Variants in TIMM50 observed in about 807,000 individuals in gnomAD.
TIMM50 encodes the protein mitochondrial import inner membrane translocase subunit TIM50.
TIMM50 carries 34 observed loss-of-function variants against 49.6 expected under a neutral mutation model. The observed-to-expected ratio is 0.69, with a 90% CI of 0.52 to 0.91. The LOEUF (loss-of-function observed/expected upper bound fraction) is 0.91. TIMM50 is among the 40% of genes least tolerant of loss of function. TIMM50 has a pLI of 0.00. For missense variants in TIMM50, 458 were observed against 477.8 expected, an observed-to-expected ratio of 0.96 and a Z score of 0.39; for synonymous variants, 199 against 198.4, an observed-to-expected ratio of 1.00 and a Z score of -0.03.
chr19:39,485,902 G>C (rs2079502457), intron 6 of TIMM50, 95 bp downstream of exon 6: 2 of 1,542,392 alleles, frequency 1.3e-6, no homozygotes, highest in East Asian at 2.3e-5. Context: ...ATGTGATCTT[G>C]GGGAGGAGAT....
At position 39,485,612 on chromosome 19, in the gene TIMM50, A is replaced by G. The variant is rs779426038; in HGVS notation, c.372+10A>G. On this transcript the variant is annotated intron_variant, in intron 5 of 10. Transcript: ENST00000607714. The stretch of plus-strand genomic sequence containing the variant: ...CAAAGATTATAGACAGGTGAGCAGA[A>G]GCCCTGGGCTCAGTCCCCATGTCTC... 3.1e-6 allele frequency: 5 copies of G among 1,614,154 alleles called. No homozygotes were observed. Among genetic ancestry groups the G allele is most frequent in the Non-Finnish European group, 4.2e-6 (5 of 1,180,038 alleles).
chr19:39,487,959 T>C, intron 8 of TIMM50, 102 bp from the exon 9 acceptor site: 3 of 1,443,062 alleles, frequency 2.1e-6, no homozygotes, highest in Non-Finnish European at 2.7e-6. Context: ...GATCCCAGTA[T>C]GTGTGATGCT....
intron 4 of TIMM50, among the ~76,000 whole-genome samples, chr19:39,484,035 G>T (rs1025686936): frequency 3.3e-5 from 5 of 151,734 alleles, no homozygotes; most frequent in African/African-American, 1.2e-4. Flanking sequence ...TATAGTTTTA[G>T]TAGAGACAGG....
Position 39,480,845 on chromosome 19 carries a change from C to T in TIMM50, c.-9C>T, listed in dbSNP as rs1333251252. 28 of 1,595,280 alleles carry T rather than the reference C, an allele frequency of 1.8e-5. No individual in the cohort carries two copies. Among genetic ancestry groups the T allele is most frequent in the East Asian group, 4.5e-5 (2 of 43,972 alleles). On this transcript the variant is annotated 5_prime_UTR_variant, in exon 1 of 11. Transcript: ENST00000607714. The stretch of plus-strand genomic sequence containing the variant: ...GCGAGTGGGCGGGGCCGCGTGGCGT[C>T]AGCGCAAGATGGCGGCCTCGGCAGC...
intron 1 of TIMM50, 142 bp downstream of exon 1, chr19:39,481,103 C>T (rs1241122546): frequency 3.5e-6 from 4 of 1,139,348 alleles, no homozygotes; most frequent in South Asian, 3.3e-5. Flanking sequence ...CCCTTCCCAA[C>T]CTCCTGGGTG....
rs141323494 is a variant in TIMM50, at chr19:39,481,974, C to G, written c.200C>G (p.Ala67Gly). ...GGTCCCAGCTATGCCAAAAAAGTTGCGCTCTGGCTTGCTGGGCTGCTTGGA... is the reference window on the plus strand; with the variant it reads ...GGTCCCAGCTATGCCAAAAAAGTTGGGCTCTGGCTTGCTGGGCTGCTTGGA... The part of the protein sequence containing the change: ...SEGPSYAKKV[A>G]LWLAGLLGAG... Residue 67 changes from alanine (A) to glycine (G), a missense_variant, in exon 2 of 11, where the codon GCG (alanine) becomes GGG (glycine). Transcript: ENST00000607714. The G allele has an allele frequency of 1.2e-6, 2 of 1,614,170 alleles. No individual in the cohort carries two copies. Among genetic ancestry groups the G allele is most frequent in the Non-Finnish European group, 8.5e-7 (1 of 1,180,028 alleles).
intron 6 of TIMM50, 31 bp downstream of exon 6, chr19:39,485,838 A>G: frequency 6.2e-7 from 1 of 1,613,118 alleles, no homozygotes; most frequent in South Asian, 1.1e-5. Context: ...TGGGTTGGGG[A>G]TAGACCTGGG....
Position 39,489,911 on chromosome 19 carries a change from TC to T in TIMM50, c.*94del. 8.2e-7 allele frequency: 1 copy of T among 1,224,338 alleles called. No homozygotes were observed. The highest frequency in any genetic ancestry group is 1.2e-6 in the Non-Finnish European group (1 of 852,700). 75.8% of individuals were successfully genotyped at this position (1,224,338 alleles called of 1,614,324 possible). ...GCCACCACTTGTCCAATAAAGTACATCCCAGACGCCACACCTGCTGTGTCCC... is the reference window on the plus strand; with the variant it reads ...GCCACCACTTGTCCAATAAAGTACATCCAGACGCCACACCTGCTGTGTCCC... On this transcript the variant is annotated 3_prime_UTR_variant, in exon 11 of 11. Coordinates refer to ENST00000607714, the MANE Select transcript of TIMM50 (RefSeq NM_001001563.5).
chr19:39,485,620 G>A lies in TIMM50; in HGVS notation c.372+18G>A, dbSNP rs1207390623. 2 of 1,614,006 alleles carry A rather than the reference G, an allele frequency of 1.2e-6. No individual in the cohort carries two copies. Among genetic ancestry groups the A allele is most frequent in the Admixed American group, 1.7e-5 (1 of 59,998 alleles). On this transcript the variant is annotated intron_variant, in intron 5 of 10. Transcript: ENST00000607714. ...ATAGACAGGTGAGCAGAAGCCCTGG[G>A]CTCAGTCCCCATGTCTCCAGCCCTG...
chr19:39,487,059 G>T (rs887773714), intron 8 of TIMM50, among the ~76,000 whole-genome samples: 2 of 152,164 alleles, frequency 1.3e-5, no homozygotes, highest in African/African-American at 4.8e-5. Flanking sequence ...GTGCCTGTCT[G>T]TGTGGTTCCC....
Position 39,488,573 on chromosome 19 carries a change from C to T in TIMM50, c.888C>T (p.Thr296=), listed in dbSNP as rs1056312936. The T allele has an allele frequency of 7.4e-6, 12 of 1,613,076 alleles. No individual in the cohort carries two copies. Among genetic ancestry groups the T allele is most frequent in the South Asian group, 4.4e-5 (4 of 91,038 alleles). ...TGAATGGTGTGGAGGACGTGCGAAC[C>T]GTGCTGGAGCACTATGCCCTGGAGG... ...IALNGVEDVR[T]VLEHYALEDD... Residue 296 remains threonine (T), a synonymous_variant, in exon 10 of 11, where the codon ACC becomes ACT. Transcript: ENST00000607714.
intron 4 of TIMM50, chr19:39,483,614 TGTC>T: frequency 6.2e-6 from 1 of 160,068 alleles, no homozygotes; most frequent in Non-Finnish European, 1.4e-5. Flanking sequence ...CTGTCAATCC[TGTC>T]ACACCTGGCT....
At position 39,491,242 on chromosome 19, in the gene TIMM50, C is replaced by G. The variant is rs1461828768; in HGVS notation, c.*1422C>G. On this transcript the variant is annotated 3_prime_UTR_variant, in exon 11 of 11. Transcript: ENST00000607714. ...AGTGCAATGGCACGACGTCGGCTCA[C>G]CACATCCTCCGCCTCCCGGGTTCAA... is the stretch of plus-strand genomic sequence containing the variant. The G allele has an allele frequency of 6.6e-6, 1 of 150,966 alleles. No homozygotes were observed. The highest frequency in any genetic ancestry group is 2.4e-5 in the African/African-American group (1 of 41,138). 9.4% of individuals were successfully genotyped at this position (150,966 alleles called of 1,614,324 possible). A position where few individuals can be genotyped will look rare whatever the true frequency, so the allele number is the denominator to read the frequency against.
intron 8 of TIMM50, among the ~76,000 whole-genome samples, chr19:39,486,857 G>A (rs182450484): frequency 2.6e-5 from 4 of 152,268 alleles, no homozygotes; most frequent in Admixed American, 2.0e-4. Context: ...GTTTGACCCG[G>A]GCTCTGTTAC....
At position 39,486,259 on chromosome 19, in the gene TIMM50, G is replaced by T. The variant is rs2079504940; in HGVS notation, c.565G>T (p.Glu189Ter). The change falls in exon 7 of 11, where the codon GAA (glutamate) becomes TAA (stop). Residue 189 changes from glutamate (E) to a stop codon, truncating the protein, a stop_gained. Transcript: ENST00000607714. LOFTEE classifies it high-confidence loss of function. ...GTTCCAGCAGCTTGCCCCTTTATAT[G>T]AAATTGTCATCTTTACGTCAGAGAC... ...TLFQQLAPLY[E>*]IVIFTSETGM... is the part of the protein sequence containing the mutation. The T allele has an allele frequency of 6.2e-7, 1 of 1,614,032 alleles. No homozygotes were observed. The highest frequency in any genetic ancestry group is 8.5e-7 in the Non-Finnish European group (1 of 1,180,036).
At position 39,482,016 on chromosome 19, in the gene TIMM50, G is replaced by A; in HGVS notation, c.242G>A (p.Ser81Asn). 6.2e-7 allele frequency: 1 copy of A among 1,614,112 alleles called. No homozygotes were observed. Among genetic ancestry groups the A allele is most frequent in the Non-Finnish European group, 8.5e-7 (1 of 1,179,984 alleles). The change falls in exon 2 of 11, where the codon AGC becomes AAC. Residue 81 changes from serine (S) to asparagine (N), a missense_variant. Transcript: ENST00000607714. The part of the protein sequence containing the change: ...AGLLGAGGTV[S>N]VVYIFGNNPV... ...CTGCTTGGAGCTGGTGGGACTGTGA[G>A]CGTCGTCTATATCTTTGGTGAGGGA...
intron 10 of TIMM50, 41 bp downstream of exon 10, chr19:39,488,686 G>A (rs774687434): frequency 1.3e-6 from 2 of 1,548,886 alleles, no homozygotes; most frequent in South Asian, 1.1e-5. Context: ...CGGCTCTGAG[G>A]CTCCTGAAGG....
chr19:39,483,308 C>A, intron 4 of TIMM50, 152 bp downstream of exon 4: 2 of 949,968 alleles, frequency 2.1e-6, no homozygotes, highest in Non-Finnish European at 3.2e-6. Context: ...TGGGGAGGGA[C>A]ATTACAAAGC....
At chr19:39,483,231 A>G (rs1245455938) in intron 4 of TIMM50, 75 bp downstream of exon 4, 1 of 1,589,032 alleles carries the variant, frequency 6.3e-7, no homozygotes, top group African/African-American at 1.3e-5. Flanking sequence ...CTCTCTCCCC[A>G]TCTGGTGTCT....
Sources: allele counts gnomAD v4.1 joint callset (sites outside exome capture counted in the v4.1 genomes callset), GRCh38; gene constraint gnomAD v4.1.1; transcripts MANE v1.5; gene names NCBI Gene and HGNC (gene_info 2026-07-23, HGNC 2026-07-21).